Variants in CCDC60 observed in about 807,000 individuals in gnomAD.
CCDC60 encodes coiled-coil domain-containing protein 60.
In CCDC60, 54 loss-of-function variants were observed where a neutral mutation model predicts 63.5. The observed-to-expected ratio is 0.85, with a 90% confidence interval of 0.68 to 1.07. CCDC60 has a LOEUF of 1.07. Among genes scored for constraint, CCDC60 ranks in the 50% least tolerant of loss-of-function variants. CCDC60 has a pLI of 0.00. For synonymous variants in CCDC60, 206 were observed against 238.8 expected (o/e 0.86, Z 1.27); for missense variants, 651 against 684.3 (o/e 0.95, Z 0.54).
chr12:119,495,950 C>T (rs909718982), intron 5 of CCDC60, among the ~76,000 whole-genome samples: 1 of 152,216 alleles, frequency 6.6e-6, no homozygotes, highest in Non-Finnish European at 1.5e-5. Context: ...GAAAGACTCA[C>T]TCAGACAGTG....
At chr12:119,358,880 G>A (rs1419890572) in intron 1 of CCDC60, among the ~76,000 whole-genome samples, 3 of 152,196 alleles carry the variant, frequency 2.0e-5, no homozygotes, top group Non-Finnish European at 4.4e-5. Flanking sequence ...GGGAGAAGAT[G>A]GGAGTGGAGC....
rs1952530102 is a variant in CCDC60, at chr12:119,521,539, G to A, written c.1040+1347G>A. ...ATGAGTTGGAAAAGGTGGGAATGCT[G>A]TTCCAAGCAGGGGGAATAGTGTGTG... On this transcript the variant is annotated intron_variant, in intron 9 of 13. Transcript: ENST00000327554. 2.6e-5 allele frequency among the ~76,000 whole-genome samples: 4 copies of A among 152,170 alleles called. No homozygotes were observed. The South Asian group carries it at 8.3e-4, about 32-fold the overall frequency.
At chr12:119,361,008 C>T (rs1280549472) in intron 1 of CCDC60, among the ~76,000 whole-genome samples, 2 of 151,922 alleles carry the variant, frequency 1.3e-5, no homozygotes, top group Non-Finnish European at 2.9e-5. Context: ...TGGCGGCGTG[C>T]GCCTGCAATT....
chr12:119,369,374 G>A (rs773373113), intron 1 of CCDC60, among the ~76,000 whole-genome samples: 2 of 152,190 alleles, frequency 1.3e-5, no homozygotes, highest in African/African-American at 2.4e-5. Context: ...AGCATTCCTG[G>A]GGGATGGGGG....
intron 1 of CCDC60, among the ~76,000 whole-genome samples, chr12:119,349,222 G>GGAAA (rs1955628931): frequency 2.6e-5 from 4 of 151,938 alleles, no homozygotes; most frequent in Non-Finnish European, 5.9e-5. Flanking sequence ...GCAGAAGGAA[G>GGAAA]GAAAACCACC....
chr12:119,421,963 C>T (rs1189821929), intron 1 of CCDC60, among the ~76,000 whole-genome samples: 2 of 152,142 alleles, frequency 1.3e-5, no homozygotes, highest in African/African-American at 2.4e-5. Context: ...TTAGTCCATG[C>T]GTGCTCCATC....
chr12:119,519,468 T>TA (rs1173768783), intron 8 of CCDC60, among the ~76,000 whole-genome samples: 5,494 of 82,752 alleles, frequency 0.066, 253 homozygotes, highest in African/African-American at 0.19. Context: ...TATATATATA[T>TA]TTTTTTTTTT....
At chr12:119,533,976 G>A (rs1292358502) in intron 13 of CCDC60, among the ~76,000 whole-genome samples, 2 of 152,108 alleles carry the variant, frequency 1.3e-5, no homozygotes, top group Non-Finnish European at 2.9e-5. Flanking sequence ...GTAGCTTGAT[G>A]GGGATAGCAT....
chr12:119,479,200 G>A lies in CCDC60; in HGVS notation c.448G>A (p.Val150Ile), dbSNP rs779123748. The A allele has an allele frequency of 7.5e-6, 12 of 1,608,392 alleles. No individual in the cohort carries two copies. The highest frequency in any genetic ancestry group is 1.7e-4 in the Middle Eastern group (1 of 6,050). ...TTCTCCCTCGCTAACCGAGGCTCAC[G>A]TGTAAGTAGTCTCACCTCCAGCTCA... ...IISPSLTEAHVEPLFRQLCAL... is the reference protein window; with the variant it reads ...IISPSLTEAHIEPLFRQLCAL... The change falls in exon 4 of 14, where the codon GTC (valine) becomes ATC (isoleucine). Residue 150 changes from valine to isoleucine, a missense_variant and splice_region_variant. Physicochemically the swap from Val to Ile is conservative, Grantham distance 29. Coordinates refer to ENST00000327554, the MANE Select transcript of CCDC60 (RefSeq NM_178499.5).
chr12:119,433,353 C>T (rs1413793284), intron 2 of CCDC60: 3 of 698,440 alleles, frequency 4.3e-6, no homozygotes, highest in Non-Finnish European at 7.8e-6. Flanking sequence ...AATGTTAAAG[C>T]TGAGATTTAA....
chr12:119,382,609 GGAAT>G (rs140115377), intron 1 of CCDC60, among the ~76,000 whole-genome samples: 51 of 151,718 alleles, frequency 3.4e-4, no homozygotes, highest in Admixed American at 1.1e-3. Flanking sequence ...CAGAACAGTG[GGAAT>G]GAATGAATGA....
At position 119,507,612 on chromosome 12, in the gene CCDC60, A is replaced by ATTTTTTTTTTTT. The variant is rs1271195617; in HGVS notation, c.883+2310_883+2311insTTTTTTTTTTTT. 4.4e-5 allele frequency among the ~76,000 whole-genome samples: 2 copies of ATTTTTTTTTTTT among 45,402 alleles called. 1 individual carries two copies. Among genetic ancestry groups the ATTTTTTTTTTTT allele is most frequent in the African/African-American group, 1.6e-4 (2 of 12,234 alleles). The allele number at this position is 45,402 out of a possible 152,430, so 29.8% of individuals were successfully genotyped here. A position where few individuals can be genotyped will look rare whatever the true frequency, so the allele number is the denominator to read the frequency against. ...TATACATATATATATATATATATAT[A>ATTTTTTTTTTTT]TATTTTTTTTTTTTTTTTCTAGAAA... On this transcript the variant is annotated intron_variant, in intron 7 of 13. Coordinates refer to ENST00000327554, the MANE Select transcript of CCDC60 (RefSeq NM_178499.5).
At chr12:119,347,304 G>C (rs1214358847) in intron 1 of CCDC60, among the ~76,000 whole-genome samples, 1 of 152,126 alleles carries the variant, frequency 6.6e-6, no homozygotes, top group Non-Finnish European at 1.5e-5. Flanking sequence ...GGTGTGTGTG[G>C]CTGAAATGTT....
intron 7 of CCDC60, among the ~76,000 whole-genome samples, chr12:119,513,535 A>G (rs1408008416): frequency 6.6e-6 from 1 of 152,144 alleles, no homozygotes; most frequent in Non-Finnish European, 1.5e-5. Context: ...TTCCCTATAT[A>G]TCTCTCTTTC....
chr12:119,355,262 G>T (rs940892695), intron 1 of CCDC60, among the ~76,000 whole-genome samples: 6 of 152,158 alleles, frequency 3.9e-5, no homozygotes, highest in Non-Finnish European at 7.3e-5. Flanking sequence ...TGGTAAAATT[G>T]TTGGCCTGGG....
chr12:119,493,815 A>G (rs932085957), intron 5 of CCDC60, among the ~76,000 whole-genome samples: 2 of 152,072 alleles, frequency 1.3e-5, no homozygotes, highest in Non-Finnish European at 2.9e-5. Context: ...GGCCAACTGC[A>G]TTTCAGAATT....
At chr12:119,423,220 G>T (rs1956844153) in intron 1 of CCDC60, among the ~76,000 whole-genome samples, 1 of 152,102 alleles carries the variant, frequency 6.6e-6, no homozygotes, top group Non-Finnish European at 1.5e-5. Context: ...TTCTGGATAT[G>T]CATTTTAGCC....
chr12:119,479,958 C>A (rs1244531260), intron 4 of CCDC60, among the ~76,000 whole-genome samples: 3 of 150,304 alleles, frequency 2.0e-5, no homozygotes, highest in Non-Finnish European at 3.0e-5. Context: ...CAAATGTCCC[C>A]TGGGAGCAAA....
At chr12:119,360,351 C>G (rs1237250057) in intron 1 of CCDC60, among the ~76,000 whole-genome samples, 1 of 85,270 alleles carries the variant, frequency 1.2e-5, no homozygotes, top group Middle Eastern at 5.1e-3. Flanking sequence ...CTGACGCCCC[C>G]ACCTCCCTCC....
Sources: gnomAD v4.1 joint callset for allele counts (sites outside exome capture counted in the v4.1 genomes callset) on GRCh38, gnomAD v4.1.1 for gene constraint, MANE v1.5 for transcripts, NCBI Gene and HGNC (gene_info 2026-07-23, HGNC 2026-07-21) for gene names.